C6: variants seen among roughly 807,000 people sequenced by gnomAD.
C6 encodes complement component C6.
C6 carries 101 observed loss-of-function variants against 112.9 expected under a neutral mutation model. The ratio of observed to expected loss-of-function variants is 0.89; its 90% CI spans 0.76 to 1.06. The LOEUF (loss-of-function observed/expected upper bound fraction) is 1.06. Among genes scored for constraint, C6 ranks in the 50% least tolerant of loss-of-function variants. C6 has a pLI of 0.00. For missense variants in C6, 1,202 were observed against 1,104.6 expected (o/e 1.09, Z -1.25); for synonymous variants, 431 against 384.1 (o/e 1.12, Z -1.43).
chr5:41,148,799 G>C (rs555113237), intron 17 of C6, among the ~76,000 whole-genome samples: 1 of 152,144 alleles, frequency 6.6e-6, no homozygotes, highest in African/African-American at 2.4e-5. Context: ...GGCACTGAAA[G>C]AAGACTGAAA....
chr5:41,155,216 A>C (rs1746783883), intron 13 of C6, 112 bp from the exon 14 acceptor site: 1 of 951,440 alleles, frequency 1.1e-6, no homozygotes, highest in Admixed American at 2.3e-5. Context: ...CTCAGTCACC[A>C]AGTCCTCTCA....
chr5:41,168,512 C>A (rs1362751582), intron 9 of C6, among the ~76,000 whole-genome samples: 2 of 152,174 alleles, frequency 1.3e-5, no homozygotes, highest in Admixed American at 6.6e-5. Flanking sequence ...TGCTCCTACT[C>A]ATTCCTCTAA....
intron 9 of C6, among the ~76,000 whole-genome samples, chr5:41,168,484 C>T (rs1040963079): frequency 6.6e-6 from 1 of 152,156 alleles, no homozygotes; most frequent in Non-Finnish European, 1.5e-5. Context: ...ACCAGGGACA[C>T]CTTCTCTACT....
intron 9 of C6, among the ~76,000 whole-genome samples, chr5:41,165,949 G>A (rs542253268): frequency 1.3e-5 from 2 of 152,056 alleles, no homozygotes; most frequent in African/African-American, 4.8e-5. Flanking sequence ...TTTCCTACTT[G>A]GTAATTTTTA....
At chr5:41,233,126 G>A (rs1207514916) in intron 1 of C6, among the ~76,000 whole-genome samples, 1 of 151,938 alleles carries the variant, frequency 6.6e-6, no homozygotes, top group African/African-American at 2.4e-5. Context: ...TTCATATAAA[G>A]TTTTGTTTCT....
chr5:41,186,340 A>C, intron 5 of C6, 132 bp from the exon 6 acceptor site: 3 of 955,550 alleles, frequency 3.1e-6, no homozygotes, highest in South Asian at 1.5e-5. Context: ...AATCCCCCAC[A>C]CCTCCGCTTT....
intron 1 of C6, among the ~76,000 whole-genome samples, chr5:41,204,484 T>C (rs984887840): frequency 6.6e-6 from 1 of 152,156 alleles, no homozygotes; most frequent in Non-Finnish European, 1.5e-5. Flanking sequence ...CTGATTATAT[T>C]TCTACGTGAT....
At chr5:41,254,123 C>T (rs1003889480) in intron 1 of C6, among the ~76,000 whole-genome samples, 7 of 152,132 alleles carry the variant, frequency 4.6e-5, no homozygotes, top group African/African-American at 1.7e-4. Flanking sequence ...TAGTTTTGGC[C>T]AGGCATGGTG....
At chr5:41,178,627 C>A (rs1296198581) in intron 7 of C6, among the ~76,000 whole-genome samples, 2 of 149,662 alleles carry the variant, frequency 1.3e-5, no homozygotes, top group South Asian at 2.1e-4. Context: ...AAGCCCCCGC[C>A]ACCACGTCTG....
At chr5:41,191,298 C>G (rs1194871192) in intron 5 of C6, among the ~76,000 whole-genome samples, 1 of 152,048 alleles carries the variant, frequency 6.6e-6, no homozygotes, top group East Asian at 1.9e-4. Context: ...AACTCCTGAA[C>G]TCATGATCCA....
chr5:41,208,590 C>T (rs1010483343), intron 1 of C6, among the ~76,000 whole-genome samples: 27 of 152,158 alleles, frequency 1.8e-4, no homozygotes, highest in Non-Finnish European at 2.5e-4. Context: ...ATACTATAAA[C>T]ACCTCTACAC....
In C6 at chr5:41,186,114, T is replaced by C. The variant is rs772136680; in HGVS notation, c.682A>G (p.Asn228Asp). ...CKTVKSSRTS[N>D]PYRVPANLEN... ...AGATTGGCCGGAACACGGTATGGAT[T>C]ACTTGTCCTACTGCTTTTGACAGTT... The change falls in exon 6 of 18, where the codon AAT becomes GAT. Residue 228 changes from asparagine to aspartate, a missense_variant. Coordinates refer to ENST00000337836, the MANE Select transcript of C6 (RefSeq NM_000065.5). 6.2e-7 allele frequency: 1 copy of C among 1,614,042 alleles called. No homozygotes were observed. Among genetic ancestry groups the C allele is most frequent in the South Asian group, 1.1e-5 (1 of 91,078 alleles).
rs867374907 is a variant in C6, at chr5:41,224,183, G to A, written c.-20-20933C>T. On this transcript the variant is annotated intron_variant, in intron 1 of 17. Coordinates refer to the C6 transcript ENST00000263413. ...ACATACTTACCATTTTGTTTTTTGC[G>A]GTGAGAATACTAAATGTGCTGTCAG... Among the ~76,000 whole-genome samples, 9 of 151,858 alleles carry A rather than the reference G, an allele frequency of 5.9e-5. No individual in the cohort carries two copies. The South Asian group carries it at 6.2e-4, about 11-fold the overall frequency.
chr5:41,224,641 T>A (rs28484696), intron 1 of C6, among the ~76,000 whole-genome samples: 1 of 152,096 alleles, frequency 6.6e-6, no homozygotes, highest in Non-Finnish European at 1.5e-5. Flanking sequence ...TTTGTTTATC[T>A]ATTTATCAGT....
intron 17 of C6, among the ~76,000 whole-genome samples, chr5:41,146,225 A>G (rs1019428610): frequency 5.3e-5 from 8 of 152,204 alleles, no homozygotes; most frequent in Non-Finnish European, 1.2e-4. Flanking sequence ...TAAAATACTT[A>G]ATATCTATAA....
rs550445933 is a variant in C6, at chr5:41,149,931, T to C, written c.2381+4A>G. The C allele has an allele frequency of 1.9e-6, 3 of 1,597,014 alleles. No homozygotes were observed. The highest frequency in any genetic ancestry group is 3.3e-5 in the Admixed American group (2 of 59,960). ...CCAGACACAGTCTGTAGGGTATCTCTTACCTACAGTCTTCTTCTGGAGACA... is the reference window on the plus strand; with the variant it reads ...CCAGACACAGTCTGTAGGGTATCTCCTACCTACAGTCTTCTTCTGGAGACA... On this transcript the variant is annotated splice_donor_region_variant and intron_variant, in intron 16 of 17. Transcript: ENST00000337836.
At chr5:41,187,065 C>T (rs899786309) in intron 5 of C6, among the ~76,000 whole-genome samples, 3 of 152,150 alleles carry the variant, frequency 2.0e-5, no homozygotes, top group African/African-American at 7.2e-5. Flanking sequence ...GGTCATGTCA[C>T]AGCCTTAAAA....
Position 41,149,377 on chromosome 5 carries a change from G to A in C6, c.2487C>T (p.Leu829=), listed in dbSNP as rs778459906. ...GGCAGGAACCAATATGTAGAAAATG[G>A]AGTTGCTGATTATTTAAACATTTCT... ...LAEKCLNNQQ[L]HFLHIGSCQD... The change falls in exon 17 of 18, where the codon CTC becomes CTT. Residue 829 remains leucine (L), a synonymous_variant. Coordinates refer to ENST00000337836, the MANE Select transcript of C6 (RefSeq NM_000065.5). The A allele has an allele frequency of 6.2e-7, 1 of 1,614,092 alleles. No individual in the cohort carries two copies. The highest frequency in any genetic ancestry group is 8.5e-7 in the Non-Finnish European group (1 of 1,179,986).
rs896578788 is a variant in C6 at position 41,174,914 on chromosome 5, G to T, written c.1168+1561C>A. 2.6e-5 allele frequency among the ~76,000 whole-genome samples: 4 copies of T among 152,156 alleles called. No homozygotes were observed. In the South Asian group the frequency reaches 6.2e-4, roughly 24 times the overall value. ...AAGCCAGGTAAGCACATGAACTGGA[G>T]AATTTCATTTTCTTGAGAAGTCATT... On this transcript the variant is annotated intron_variant, in intron 8 of 17. Transcript: ENST00000337836.
Sources: allele counts gnomAD v4.1 joint callset (sites outside exome capture counted in the v4.1 genomes callset), GRCh38; gene constraint gnomAD v4.1.1; transcripts MANE v1.5; gene names NCBI Gene and HGNC (gene_info 2026-07-23, HGNC 2026-07-21).